The following PCCA variants were observed in gnomAD, a reference collection of about 807,000 sequenced individuals.
The protein encoded by PCCA is propionyl-CoA carboxylase alpha chain, mitochondrial.
PCCA carries 74 observed loss-of-function variants against 101.3 expected under a neutral mutation model. The ratio of observed to expected loss-of-function variants is 0.73; its 90% CI spans 0.61 to 0.89. PCCA has a LOEUF of 0.89. Ranked by LOEUF, PCCA falls within the 40% of genes least tolerant of loss-of-function variation. PCCA has a pLI of 0.00. For synonymous variants in PCCA, 294 were observed against 313.6 expected (o/e 0.94, Z 0.66); for missense variants, 891 against 907.0 (o/e 0.98, Z 0.23).
intron 19 of PCCA, among the ~76,000 whole-genome samples, chr13:100,410,178 C>T (rs1782453926): frequency 6.6e-6 from 1 of 152,180 alleles, no homozygotes; most frequent in Non-Finnish European, 1.5e-5. Flanking sequence ...TCCAAATAGC[C>T]TGACTAATTA....
chr13:100,309,376 A>C (rs1406230749), intron 15 of PCCA, among the ~76,000 whole-genome samples: 1 of 152,194 alleles, frequency 6.6e-6, no homozygotes, highest in Non-Finnish European at 1.5e-5. Context: ...CAGCCTGGGC[A>C]ATAGAGCGAG....
chr13:100,231,364 G>A (rs2152514030), intron 7 of PCCA, among the ~76,000 whole-genome samples: 1 of 152,292 alleles, frequency 6.6e-6, no homozygotes, highest in South Asian at 2.1e-4. Context: ...CAAGGCTGGG[G>A]AGCCTGCCTG....
chr13:100,217,854 A>G (rs891437264), intron 7 of PCCA, among the ~76,000 whole-genome samples: 1 of 150,706 alleles, frequency 6.6e-6, no homozygotes, highest in Non-Finnish European at 1.5e-5. Context: ...AAAAAAATCC[A>G]TCTGAGGTCA....
chr13:100,453,048 T>A (rs1020902430), intron 21 of PCCA, among the ~76,000 whole-genome samples: 1 of 150,920 alleles, frequency 6.6e-6, no homozygotes, highest in Non-Finnish European at 1.5e-5. Flanking sequence ...TACAAAAAAT[T>A]AGCTGGGTGT....
intron 4 of PCCA, among the ~76,000 whole-genome samples, chr13:100,117,903 G>T (rs1320675300): frequency 8.6e-5 from 13 of 151,756 alleles, no homozygotes; most frequent in African/African-American, 2.2e-4. Context: ...GATCATGAGG[G>T]CAGGAGATCG....
intron 6 of PCCA, among the ~76,000 whole-genome samples, chr13:100,191,690 A>C (rs1206779689): frequency 3.9e-5 from 6 of 152,316 alleles, no homozygotes; most frequent in African/African-American, 1.4e-4. Flanking sequence ...TTCTAGTGGC[A>C]TGGGAAGTGA....
chr13:100,240,404 G>A (rs1426751607), intron 8 of PCCA, among the ~76,000 whole-genome samples: 2 of 151,682 alleles, frequency 1.3e-5, no homozygotes, highest in Non-Finnish European at 2.9e-5. Flanking sequence ...CGGGGTGAAG[G>A]GGGATGGCAG....
intron 4 of PCCA, among the ~76,000 whole-genome samples, chr13:100,115,682 G>A (rs548392068): frequency 3.9e-5 from 6 of 152,118 alleles, no homozygotes; most frequent in Non-Finnish European, 5.9e-5. Context: ...ATTGAATTCT[G>A]ATCTACAGGT....
chr13:100,143,549 AAT>A (rs1491262420), intron 4 of PCCA, among the ~76,000 whole-genome samples: 14 of 140,670 alleles, frequency 1.0e-4, no homozygotes, highest in African/African-American at 4.4e-4. Context: ...AAAAAAAAAA[AAT>A]AAAAAAAAAA....
chr13:100,340,116 T>C lies in PCCA; in HGVS notation c.1541-41T>C, dbSNP rs1350440004. The C allele has an allele frequency of 2.8e-6, 3 of 1,061,550 alleles. No homozygotes were observed. In the African/African-American group the frequency reaches 4.7e-5, roughly 16 times the overall value. 65.8% of individuals were successfully genotyped at this position (1,061,550 alleles called of 1,614,324 possible). A position where few individuals can be genotyped will look rare whatever the true frequency, so the allele number is the denominator to read the frequency against. The stretch of plus-strand genomic sequence containing the variant: ...TAGGAGAGAAGCACAGATGTTAAAA[T>C]AAATGATTGATTGATTGATTGGTTG... On this transcript the variant is annotated intron_variant, in intron 17 of 23. Transcript: ENST00000376285.
At chr13:100,362,288 A>G (rs887981125) in intron 18 of PCCA, among the ~76,000 whole-genome samples, 7 of 152,190 alleles carry the variant, frequency 4.6e-5, no homozygotes, top group African/African-American at 7.2e-5. Context: ...GTATGCGAGT[A>G]AAATTTAAAA....
chr13:100,194,188 A>G (rs1212356827), intron 6 of PCCA, among the ~76,000 whole-genome samples: 2 of 152,208 alleles, frequency 1.3e-5, no homozygotes, highest in Non-Finnish European at 2.9e-5. Context: ...AAACAAGAAT[A>G]TCCCAACTGT....
At chr13:100,425,887 AG>A (rs1450874932) in intron 20 of PCCA, among the ~76,000 whole-genome samples, 156 bp downstream of exon 20, 5 of 152,300 alleles carry the variant, frequency 3.3e-5, no homozygotes, top group Admixed American at 3.3e-4. Flanking sequence ...CTTATTTTAG[AG>A]GATCTTAAGT....
chr13:100,451,794 T>TC (rs1339093051), intron 21 of PCCA, among the ~76,000 whole-genome samples: 2 of 100,178 alleles, frequency 2.0e-5, no homozygotes, highest in East Asian at 3.1e-4. Flanking sequence ...CCTCTTCCTC[T>TC]CCTCTCTGTC....
chr13:100,312,763 G>GT (rs1202138584), intron 16 of PCCA, among the ~76,000 whole-genome samples: 1 of 152,170 alleles, frequency 6.6e-6, no homozygotes, highest in Non-Finnish European at 1.5e-5. Context: ...TTAAAGACCT[G>GT]TTTGTATGAA....
intron 7 of PCCA, among the ~76,000 whole-genome samples, chr13:100,211,811 GC>G (rs1367878163): frequency 6.6e-6 from 1 of 152,074 alleles, no homozygotes; most frequent in African/African-American, 2.4e-5. Flanking sequence ...CATAGTCATG[GC>G]TCACTGCAAC....
At chr13:100,251,783 T>A (rs1402126314) in intron 8 of PCCA, among the ~76,000 whole-genome samples, 5 of 152,250 alleles carry the variant, frequency 3.3e-5, no homozygotes, top group Admixed American at 6.5e-5. Context: ...TTTGATGCGA[T>A]GGAAGAACTC....
chr13:100,157,455 T>C (rs1289136994), intron 6 of PCCA, 115 bp downstream of exon 6: 6 of 728,140 alleles, frequency 8.2e-6, no homozygotes, highest in African/African-American at 1.7e-5. Flanking sequence ...ACCCAGCAGT[T>C]CTTTGAAAAT....
At chr13:100,501,492 G>C (rs1027590162) in intron 21 of PCCA, among the ~76,000 whole-genome samples, 9 of 152,192 alleles carry the variant, frequency 5.9e-5, no homozygotes, top group Non-Finnish European at 1.2e-4. Flanking sequence ...CCTGGGAAAG[G>C]CCATTCCATA....
Sources: allele counts gnomAD v4.1 joint callset (sites outside exome capture counted in the v4.1 genomes callset), GRCh38; gene constraint gnomAD v4.1.1; transcripts MANE v1.5; gene names NCBI Gene and HGNC (gene_info 2026-07-23, HGNC 2026-07-21).